Variants in PTDSS1 observed in about 807,000 individuals in gnomAD.
The protein encoded by PTDSS1 is PSS-1.
Under a neutral mutation model 70.5 loss-of-function variants are expected in PTDSS1, and 45 were observed. That is an observed-to-expected ratio of 0.64 (90% confidence interval 0.50 to 0.82). The LOEUF (loss-of-function observed/expected upper bound fraction) is 0.82. Among genes scored for constraint, PTDSS1 ranks in the 40% least tolerant of loss-of-function variants. The pLI, the probability that PTDSS1 is intolerant of heterozygous loss-of-function variation, is 0.00. For synonymous variants in PTDSS1, 188 were observed against 203.8 expected, an observed-to-expected ratio of 0.92 and a Z score of 0.66; for missense variants, 417 against 586.1, an observed-to-expected ratio of 0.71 and a Z score of 2.98.
At position 96,333,895 on chromosome 8, in the gene PTDSS1, C is replaced by T; in HGVS notation, c.*329C>T. On this transcript the variant is annotated 3_prime_UTR_variant, in exon 13 of 13. Transcript: ENST00000517309. Reference sequence around the variant, plus strand: ...AAGAGCAGCTCCGCGCCTGCTGGATCGTGGATGCAGCGTAAACATCTTCCT... The same window carrying T: ...AAGAGCAGCTCCGCGCCTGCTGGATTGTGGATGCAGCGTAAACATCTTCCT... The T allele has an allele frequency of 1.6e-6, 1 of 609,502 alleles. No homozygotes were observed. 37.8% of individuals were successfully genotyped at this position (609,502 alleles called of 1,614,324 possible). A position where few individuals can be genotyped will look rare whatever the true frequency, so the allele number is the denominator to read the frequency against.
chr8:96,290,880 AAT>A (rs923111839), intron 4 of PTDSS1, among the ~76,000 whole-genome samples: 3 of 147,878 alleles, frequency 2.0e-5, no homozygotes, highest in African/African-American at 7.4e-5. Context: ...ATATTCATAA[AAT>A]ATATATTATA....
intron 5 of PTDSS1, among the ~76,000 whole-genome samples, chr8:96,298,259 A>C (rs1473754384): frequency 1.3e-5 from 2 of 152,238 alleles, no homozygotes; most frequent in Non-Finnish European, 2.9e-5. Context: ...CATTAAGAAC[A>C]AAAAATTCCT....
At chr8:96,278,138 C>T (rs557606514) in intron 2 of PTDSS1, among the ~76,000 whole-genome samples, 50 of 152,368 alleles carry the variant, frequency 3.3e-4, no homozygotes, top group Admixed American at 1.6e-3. Flanking sequence ...ATCATCTCTT[C>T]TCTTGTGTCT....
At chr8:96,297,974 C>A (rs1349004877) in intron 5 of PTDSS1, among the ~76,000 whole-genome samples, 12 of 152,228 alleles carry the variant, frequency 7.9e-5, no homozygotes, top group Admixed American at 7.9e-4. Flanking sequence ...GCCCATCTCA[C>A]CCCCAGAACC....
Position 96,294,965 on chromosome 8 carries a change from C to T in PTDSS1, c.442-133C>T, listed in dbSNP as rs1586194569. 4 of 817,984 alleles carry T rather than the reference C, an allele frequency of 4.9e-6. No homozygotes were observed. The East Asian group carries it at 9.1e-5, about 19-fold the overall frequency. The allele number at this position is 817,984 out of a possible 1,614,324, so 50.7% of individuals were successfully genotyped here. A position where few individuals can be genotyped will look rare whatever the true frequency, so the allele number is the denominator to read the frequency against. On this transcript the variant is annotated intron_variant, in intron 4 of 12. Transcript: ENST00000517309. ...CCTCAAGGCCCTTAAGTTATTAAAACTTTCTCATTTGTTACTGAGCAGGAC... is the reference window on the plus strand; with the variant it reads ...CCTCAAGGCCCTTAAGTTATTAAAATTTTCTCATTTGTTACTGAGCAGGAC...
intron 4 of PTDSS1, among the ~76,000 whole-genome samples, chr8:96,288,083 A>G (rs1194542866): frequency 2.0e-5 from 3 of 152,170 alleles, no homozygotes. Flanking sequence ...ATTTGCTATG[A>G]TGGCTCACAG....
At chr8:96,264,654 A>G (rs968511321) in intron 1 of PTDSS1, among the ~76,000 whole-genome samples, 1 of 152,194 alleles carries the variant, frequency 6.6e-6, no homozygotes, top group East Asian at 1.9e-4. Context: ...TTTCATTTTT[A>G]ATATTATTCT....
chr8:96,334,055 G>GT lies in PTDSS1; in HGVS notation c.*494dup, dbSNP rs1811560716. 2.4e-6 allele frequency: 1 copy of GT among 411,132 alleles called. No individual in the cohort carries two copies. Among genetic ancestry groups the GT allele is most frequent in the East Asian group, 3.6e-5 (1 of 27,568 alleles). 25.5% of individuals were successfully genotyped at this position (411,132 alleles called of 1,614,324 possible). ...TTTTATTTGGTTACTGTTGTTATTT[G>GT]TTTTTAAGTTAGGATGCTTTTTAAC... On this transcript the variant is annotated 3_prime_UTR_variant, in exon 13 of 13. Transcript: ENST00000517309.
chr8:96,310,168 TC>T (rs1246016895), intron 9 of PTDSS1, among the ~76,000 whole-genome samples: 3 of 123,788 alleles, frequency 2.4e-5, no homozygotes, highest in Non-Finnish European at 5.3e-5. Flanking sequence ...TGGATCTCTC[TC>T]TTTTTTTTTT....
intron 2 of PTDSS1, among the ~76,000 whole-genome samples, chr8:96,278,616 T>A (rs1257725577): frequency 6.6e-6 from 1 of 152,200 alleles, no homozygotes; most frequent in East Asian, 1.9e-4. Context: ...TTCATCCCAT[T>A]ATAGCAACTG....
At chr8:96,268,957 G>A (rs1323113906) in intron 1 of PTDSS1, among the ~76,000 whole-genome samples, 1 of 152,184 alleles carries the variant, frequency 6.6e-6, no homozygotes, top group Non-Finnish European at 1.5e-5. Flanking sequence ...GCAGGTGGAT[G>A]CCTGCTGTGT....
chr8:96,262,418 C>T lies in PTDSS1; in HGVS notation c.179+199C>T, dbSNP rs1258915567. Among the ~76,000 whole-genome samples the T allele has an allele frequency of 6.6e-6, 1 of 152,202 alleles. No individual in the cohort carries two copies. Among genetic ancestry groups the T allele is most frequent in the East Asian group, 1.9e-4 (1 of 5,188 alleles). On this transcript the variant is annotated intron_variant, in intron 1 of 12. Coordinates refer to ENST00000517309, the MANE Select transcript of PTDSS1 (RefSeq NM_014754.3). The surrounding 1 kb of genome is among the most constrained non-coding windows in gnomAD (Gnocchi z 4.4). ...CACAGTACGCTAGCCTGCTCCCCTACCCCTCAGTGCCCCTTCTCCATACAG... is the reference window on the plus strand; with the variant it reads ...CACAGTACGCTAGCCTGCTCCCCTATCCCTCAGTGCCCCTTCTCCATACAG...
At chr8:96,309,063 T>G (rs1811167459) in intron 8 of PTDSS1, among the ~76,000 whole-genome samples, 1 of 152,200 alleles carries the variant, frequency 6.6e-6, no homozygotes, top group Non-Finnish European at 1.5e-5. Context: ...TGGACAGTAC[T>G]GCTCACTCTC....
At chr8:96,292,516 G>T (rs2130072046) in intron 4 of PTDSS1, among the ~76,000 whole-genome samples, 1 of 152,260 alleles carries the variant, frequency 6.6e-6, no homozygotes, top group African/African-American at 2.4e-5. Context: ...ATGAGGCAGA[G>T]GGCCCTGCCT....
At chr8:96,304,206 T>G in intron 7 of PTDSS1, 25 bp downstream of exon 7, 1 of 1,582,996 alleles carries the variant, frequency 6.3e-7, no homozygotes, top group Non-Finnish European at 8.5e-7. Flanking sequence ...GCCCAGAAGT[T>G]GGGAGGAAAA....
At chr8:96,328,817 CTG>C (rs1811474476) in intron 10 of PTDSS1, among the ~76,000 whole-genome samples, 1 of 152,264 alleles carries the variant, frequency 6.6e-6, no homozygotes, top group Admixed American at 6.5e-5. Context: ...TACCACCAGA[CTG>C]TGGCTGTGCA....
intron 2 of PTDSS1, among the ~76,000 whole-genome samples, chr8:96,279,137 ATT>A (rs1172421875): frequency 2.1e-5 from 3 of 141,196 alleles, no homozygotes; most frequent in Non-Finnish European, 3.1e-5. Flanking sequence ...CGCCCAGCTA[ATT>A]TTTTTTTTTT....
intron 9 of PTDSS1, among the ~76,000 whole-genome samples, chr8:96,310,177 T>G (rs1010996398): frequency 6.6e-6 from 1 of 151,218 alleles, no homozygotes; most frequent in African/African-American, 2.4e-5. Context: ...CTCTTTTTTT[T>G]TTTTTTTGAG....
intron 9 of PTDSS1, among the ~76,000 whole-genome samples, chr8:96,316,743 CA>C (rs1352359030): frequency 3.3e-5 from 5 of 152,072 alleles, no homozygotes; most frequent in East Asian, 1.9e-4. Context: ...CCTGTAATCC[CA>C]AGCACTTTGG....
Sources: allele counts gnomAD v4.1 joint callset (sites outside exome capture counted in the v4.1 genomes callset), GRCh38; gene constraint gnomAD v4.1.1; non-coding constraint Gnocchi (gnomAD v3.1); transcripts MANE v1.5; gene names NCBI Gene and HGNC (gene_info 2026-07-23, HGNC 2026-07-21).